DIAPH3: variants seen among roughly 807,000 people sequenced by gnomAD.
The protein encoded by DIAPH3 is protein diaphanous homolog 3.
Under a neutral mutation model 144.3 loss-of-function variants are expected in DIAPH3, and 117 were observed. The observed-to-expected ratio is 0.81, with a 90% CI of 0.70 to 0.95. DIAPH3 has a LOEUF of 0.95. Ranked by LOEUF, DIAPH3 falls within the 40% of genes least tolerant of loss-of-function variation. DIAPH3 has a pLI of 0.00. For synonymous variants in DIAPH3, 519 were observed against 488.9 expected, an observed-to-expected ratio of 1.06 and a Z score of -0.81; for missense variants, 1,421 against 1,412.7, an observed-to-expected ratio of 1.01 and a Z score of -0.09.
chr13:59,941,488 C>T (rs896955109), intron 17 of DIAPH3, among the ~76,000 whole-genome samples: 6 of 152,092 alleles, frequency 3.9e-5, no homozygotes, highest in Non-Finnish European at 7.4e-5. Context: ...ATTAGAGACC[C>T]CCAGAGCAGA....
chr13:59,875,381 A>G (rs993152941), intron 21 of DIAPH3, among the ~76,000 whole-genome samples: 3 of 152,168 alleles, frequency 2.0e-5, no homozygotes, highest in African/African-American at 7.2e-5. Flanking sequence ...ACACCATTTT[A>G]ACTAAACTAG....
At chr13:60,119,440 A>G (rs1224455376) in intron 2 of DIAPH3, among the ~76,000 whole-genome samples, 1 of 152,166 alleles carries the variant, frequency 6.6e-6, no homozygotes, top group Non-Finnish European at 1.5e-5. Context: ...CCTGACACAC[A>G]GAAGTGGTAT....
chr13:59,782,136 AG>A (rs2038772458), intron 25 of DIAPH3, among the ~76,000 whole-genome samples: 1 of 151,290 alleles, frequency 6.6e-6, no homozygotes, highest in African/African-American at 2.4e-5. Flanking sequence ...TTTGGGGTAA[AG>A]AAAAAAAAAC....
At chr13:59,800,747 G>A (rs2039862630) in intron 25 of DIAPH3, among the ~76,000 whole-genome samples, 1 of 152,152 alleles carries the variant, frequency 6.6e-6, no homozygotes, top group South Asian at 2.1e-4. Context: ...GGTAGTGGGA[G>A]CAGAACTAGC....
At chr13:59,674,997 T>C (rs2032564200) in intron 27 of DIAPH3, among the ~76,000 whole-genome samples, 1 of 152,194 alleles carries the variant, frequency 6.6e-6, no homozygotes, top group African/African-American at 2.4e-5. Flanking sequence ...AATACAGGGA[T>C]ATGGTTTGAC....
At chr13:59,939,636 C>T (rs1474279849) in intron 17 of DIAPH3, among the ~76,000 whole-genome samples, 1 of 152,118 alleles carries the variant, frequency 6.6e-6, no homozygotes, top group Non-Finnish European at 1.5e-5. Context: ...AGCCTCAAAC[C>T]ATTTACCCAG....
chr13:59,784,022 C>T (rs1446275188), intron 25 of DIAPH3, among the ~76,000 whole-genome samples: 2 of 152,166 alleles, frequency 1.3e-5, no homozygotes, highest in South Asian at 2.1e-4. Flanking sequence ...ATAGCTCCTT[C>T]TTTTACTTTC....
At chr13:59,863,066 G>A (rs1357534833) in intron 21 of DIAPH3, among the ~76,000 whole-genome samples, 1 of 152,072 alleles carries the variant, frequency 6.6e-6, no homozygotes, top group African/African-American at 2.4e-5. Flanking sequence ...CGACCAGGGT[G>A]GACCAATCCT....
chr13:59,988,277 T>A (rs551889375), intron 12 of DIAPH3, among the ~76,000 whole-genome samples: 1 of 151,890 alleles, frequency 6.6e-6, no homozygotes, highest in African/African-American at 2.4e-5. Flanking sequence ...ATTTCTGCCA[T>A]AATAACCACA....
chr13:59,827,927 A>C (rs544985596), intron 24 of DIAPH3, among the ~76,000 whole-genome samples: 62 of 152,154 alleles, frequency 4.1e-4, no homozygotes, highest in Non-Finnish European at 6.9e-4. Flanking sequence ...AAATTCCATG[A>C]GCTCAATTAA....
intron 4 of DIAPH3, among the ~76,000 whole-genome samples, chr13:60,074,809 C>A (rs924647443): frequency 6.6e-6 from 1 of 151,954 alleles, no homozygotes; most frequent in South Asian, 2.1e-4. Flanking sequence ...TAAGTCAGAT[C>A]TAAGTCATTG....
chr13:59,799,276 C>A lies in DIAPH3; in HGVS notation c.3163+11512G>T, dbSNP rs370981496. 7.2e-5 allele frequency among the ~76,000 whole-genome samples: 11 copies of A among 151,944 alleles called. No individual in the cohort carries two copies. In the South Asian group the frequency reaches 2.3e-3, roughly 32 times the overall value. ...CATATGCACAGAAGGGTGGCCGAAG[C>A]TGGCTTCCTTCATCGAAGGAAGAAG... is the stretch of plus-strand genomic sequence containing the variant. On this transcript the variant is annotated intron_variant, in intron 25 of 27. Coordinates refer to ENST00000400324, the MANE Select transcript of DIAPH3 (RefSeq NM_001042517.2).
intron 20 of DIAPH3, 76 bp downstream of exon 20, chr13:59,911,659 T>TAA: frequency 9.3e-7 from 1 of 1,077,570 alleles, no homozygotes; most frequent in Non-Finnish European, 1.4e-6. Flanking sequence ...TTTTTTACAT[T>TAA]TAGCGATATA....
chr13:59,982,244 G>A (rs1047266291), intron 13 of DIAPH3, among the ~76,000 whole-genome samples: 2 of 151,014 alleles, frequency 1.3e-5, no homozygotes, highest in African/African-American at 4.9e-5. Flanking sequence ...CAACCAAATG[G>A]TGTTCAAATA....
chr13:60,040,844 C>T (rs77071771), intron 5 of DIAPH3, among the ~76,000 whole-genome samples: 3 of 151,432 alleles, frequency 2.0e-5, no homozygotes, highest in South Asian at 2.1e-4. Flanking sequence ...TTTTTTTTTT[C>T]GCTCTCGCAC....
At chr13:59,750,324 C>T (rs1195300602) in intron 27 of DIAPH3, among the ~76,000 whole-genome samples, 1 of 152,164 alleles carries the variant, frequency 6.6e-6, no homozygotes, top group Admixed American at 6.5e-5. Context: ...GGCCAATACA[C>T]TTTCAAAGGG....
chr13:59,958,901 G>T (rs1230844164), intron 17 of DIAPH3, among the ~76,000 whole-genome samples: 10 of 123,096 alleles, frequency 8.1e-5, no homozygotes, highest in Admixed American at 7.9e-4. Context: ...TTGAGATAGA[G>T]TCTCGCTCCT....
intron 4 of DIAPH3, among the ~76,000 whole-genome samples, chr13:60,063,714 G>A (rs2056853326): frequency 1.3e-5 from 2 of 152,090 alleles, no homozygotes; most frequent in Non-Finnish European, 2.9e-5. Context: ...ATCACCTGAG[G>A]TCAGGAGTTC....
intron 20 of DIAPH3, among the ~76,000 whole-genome samples, chr13:59,897,394 A>G (rs140824343): frequency 6.6e-6 from 1 of 152,342 alleles, no homozygotes; most frequent in Non-Finnish European, 1.5e-5. Flanking sequence ...AAAACATGCT[A>G]AAGAATCGTA....
Sources: gnomAD v4.1 joint callset for allele counts (sites outside exome capture counted in the v4.1 genomes callset) on GRCh38, gnomAD v4.1.1 for gene constraint, MANE v1.5 for transcripts, NCBI Gene and HGNC (gene_info 2026-07-23, HGNC 2026-07-21) for gene names.